DLG2: variants seen among roughly 807,000 people sequenced by gnomAD.
DLG2 encodes the protein disks large homolog 2.
Under a neutral mutation model 132.5 loss-of-function variants are expected in DLG2, and 45 were observed. That is an observed-to-expected ratio of 0.34 (90% CI 0.27 to 0.44). DLG2 has a LOEUF of 0.44. Among genes scored for constraint, DLG2 ranks in the 20% least tolerant of loss-of-function variants. The pLI is 1.00. For synonymous variants in DLG2, 424 were observed against 419.6 expected, an observed-to-expected ratio of 1.01 and a Z score of -0.13; for missense variants, 1,045 against 1,196.9, an observed-to-expected ratio of 0.87 and a Z score of 1.87.
At chr11:83,685,079 T>G (rs1291296167) in intron 18 of DLG2, among the ~76,000 whole-genome samples, 2 of 152,180 alleles carry the variant, frequency 1.3e-5, no homozygotes, top group East Asian at 3.9e-4. Flanking sequence ...TATCTCTCAT[T>G]TAAGCTTGAC....
intron 6 of DLG2, among the ~76,000 whole-genome samples, chr11:84,912,323 T>G (rs2092146956): frequency 6.6e-6 from 1 of 152,140 alleles, no homozygotes; most frequent in Non-Finnish European, 1.5e-5. Context: ...GCCCGGCTAC[T>G]TTTTTGTATT....
At chr11:83,690,946 G>A (rs1386640143) in intron 18 of DLG2, among the ~76,000 whole-genome samples, 1 of 152,100 alleles carries the variant, frequency 6.6e-6, no homozygotes, top group African/African-American at 2.4e-5. Flanking sequence ...CACTACAATG[G>A]CAAAGTTGAC....
intron 18 of DLG2, among the ~76,000 whole-genome samples, chr11:83,689,852 A>G (rs573214467): frequency 6.7e-6 from 1 of 149,304 alleles, no homozygotes; most frequent in Non-Finnish European, 1.5e-5. Flanking sequence ...ATCACTTTGC[A>G]TACTCACCCA....
chr11:85,537,209 C>T (rs934194251), intron 3 of DLG2, among the ~76,000 whole-genome samples: 7 of 152,102 alleles, frequency 4.6e-5, no homozygotes, highest in South Asian at 2.1e-4. Flanking sequence ...CTCTGTAAAA[C>T]GGACCAATCA....
At chr11:85,524,278 T>A (rs1272270527) in intron 3 of DLG2, among the ~76,000 whole-genome samples, 1 of 152,142 alleles carries the variant, frequency 6.6e-6, no homozygotes, top group Non-Finnish European at 1.5e-5. Context: ...AAGGGATAAT[T>A]GCTTGAGGTG....
At chr11:83,976,920 C>T (rs1469809878) in intron 12 of DLG2, among the ~76,000 whole-genome samples, 2 of 151,752 alleles carry the variant, frequency 1.3e-5, no homozygotes, top group Admixed American at 1.3e-4. Flanking sequence ...ATATTTCCAC[C>T]TCCCCCTTTT....
At chr11:84,955,330 T>C (rs2051503120) in intron 6 of DLG2, 1 of 152,196 alleles carries the variant, frequency 6.6e-6, no homozygotes, top group Admixed American at 6.5e-5. Flanking sequence ...TTTATTGTCC[T>C]CATTTACAGA....
At chr11:84,805,135 T>C (rs954554475) in intron 6 of DLG2, among the ~76,000 whole-genome samples, 5 of 152,084 alleles carry the variant, frequency 3.3e-5, no homozygotes, top group African/African-American at 1.2e-4. Flanking sequence ...TAAAAGTGTA[T>C]TACTACCCCT....
intron 3 of DLG2, among the ~76,000 whole-genome samples, chr11:85,593,363 T>A (rs1422689155): frequency 6.6e-6 from 1 of 152,130 alleles, no homozygotes. Flanking sequence ...CCTGAAAGGA[T>A]TAGTAAAGTA....
At chr11:85,582,589 C>T (rs577547331) in intron 3 of DLG2, among the ~76,000 whole-genome samples, 4 of 133,172 alleles carry the variant, frequency 3.0e-5, no homozygotes, top group African/African-American at 8.4e-5. Flanking sequence ...TTTGGGAGGC[C>T]GAGGCAGGTG....
chr11:84,536,090 A>C (rs1266119863), intron 6 of DLG2, among the ~76,000 whole-genome samples: 1 of 152,144 alleles, frequency 6.6e-6, no homozygotes, highest in African/African-American at 2.4e-5. Flanking sequence ...ACTTACACTT[A>C]TACTTTCTGG....
intron 6 of DLG2, among the ~76,000 whole-genome samples, chr11:85,006,060 C>G (rs2058632409): frequency 6.6e-6 from 1 of 152,042 alleles, no homozygotes; most frequent in African/African-American, 2.4e-5. Context: ...AGCCTTGCAT[C>G]CCAGGGATGA....
chr11:84,981,182 CT>C (rs2055684394), intron 6 of DLG2, among the ~76,000 whole-genome samples: 1 of 151,946 alleles, frequency 6.6e-6, no homozygotes, highest in African/African-American at 2.4e-5. Context: ...TGAAAATGAA[CT>C]AAACTAAGAA....
chr11:83,829,350 C>T (rs184988462), intron 17 of DLG2, among the ~76,000 whole-genome samples: 9 of 152,134 alleles, frequency 5.9e-5, no homozygotes, highest in South Asian at 2.1e-4. Context: ...GTGCACACCA[C>T]GATGCCTGGC....
intron 5 of DLG2, among the ~76,000 whole-genome samples, chr11:85,143,568 G>A (rs557896198): frequency 3.3e-5 from 5 of 151,570 alleles, no homozygotes; most frequent in South Asian, 2.1e-4. Context: ...GTGCTTATTG[G>A]TATACTTCCA....
At chr11:83,848,505 T>A (rs2059075451) in intron 16 of DLG2, among the ~76,000 whole-genome samples, 1 of 152,218 alleles carries the variant, frequency 6.6e-6, no homozygotes, top group South Asian at 2.1e-4. Flanking sequence ...GGGTTAATTG[T>A]GTCTGCCCAA....
chr11:84,334,343 T>C (rs1290442231), intron 7 of DLG2, among the ~76,000 whole-genome samples: 1 of 152,190 alleles, frequency 6.6e-6, no homozygotes, highest in African/African-American at 2.4e-5. Context: ...TTGGAGGTTT[T>C]AGGGGACACT....
chr11:85,399,131 C>A (rs933982338), intron 3 of DLG2, among the ~76,000 whole-genome samples: 1 of 152,002 alleles, frequency 6.6e-6, no homozygotes, highest in Admixed American at 6.6e-5. Context: ...TCTTATACAC[C>A]AATAACAGAC....
chr11:83,930,779 G>T (rs1231262105), intron 14 of DLG2, among the ~76,000 whole-genome samples: 1 of 152,158 alleles, frequency 6.6e-6, no homozygotes, highest in Non-Finnish European at 1.5e-5. Flanking sequence ...CGTTTAGCCA[G>T]AATTCTTGAA....
Sources: allele counts gnomAD v4.1 joint callset (sites outside exome capture counted in the v4.1 genomes callset), GRCh38; gene constraint gnomAD v4.1.1; transcripts MANE v1.5; gene names NCBI Gene and HGNC (gene_info 2026-07-23, HGNC 2026-07-21).